Variants in ZSCAN5A observed in about 807,000 individuals in gnomAD.
ZSCAN5A encodes zinc finger and SCAN domain-containing protein 5A.
In ZSCAN5A, 12 loss-of-function variants were observed where a neutral mutation model predicts 23.7. The observed-to-expected ratio is 0.51, with a 90% CI of 0.32 to 0.82. ZSCAN5A has a LOEUF of 0.82. Ranked by LOEUF, ZSCAN5A falls within the 40% of genes least tolerant of loss-of-function variation. The pLI is 0.03. For synonymous variants in ZSCAN5A, 257 were observed against 239.9 expected (o/e 1.07, Z -0.66); for missense variants, 597 against 617.9 (o/e 0.97, Z 0.36).
intron 2 of ZSCAN5A, among the ~76,000 whole-genome samples, chr19:56,297,240 G>C (rs113977347): frequency 6.6e-6 from 1 of 152,070 alleles, no homozygotes; most frequent in African/African-American, 2.4e-5. Flanking sequence ...GGGACACAGG[G>C]AGACTAACTT....
At chr19:56,350,209 G>C (rs2041659017) in intron 2 of ZSCAN5A, among the ~76,000 whole-genome samples, 1 of 152,328 alleles carries the variant, frequency 6.6e-6, no homozygotes, top group East Asian at 1.9e-4. Flanking sequence ...TGGATAAGAA[G>C]CATGAAAGTT....
At chr19:56,248,903 G>A (rs1439456266) in intron 2 of ZSCAN5A, among the ~76,000 whole-genome samples, 1 of 152,106 alleles carries the variant, frequency 6.6e-6, no homozygotes, top group Non-Finnish European at 1.5e-5. Context: ...ACCACCCAGA[G>A]TCCATGGTGT....
At chr19:56,280,144 C>G (rs1185385966) in intron 2 of ZSCAN5A, among the ~76,000 whole-genome samples, 2 of 152,136 alleles carry the variant, frequency 1.3e-5, no homozygotes, top group Non-Finnish European at 2.9e-5. Context: ...TTTATATATT[C>G]AAAGTCCTCT....
intron 2 of ZSCAN5A, among the ~76,000 whole-genome samples, chr19:56,234,790 G>A (rs1055568674): frequency 6.6e-6 from 1 of 152,302 alleles, no homozygotes; most frequent in South Asian, 2.1e-4. Flanking sequence ...GCCCTTAAAA[G>A]GGACAGGAAT....
At chr19:56,237,248 C>T (rs932495354) in intron 2 of ZSCAN5A, among the ~76,000 whole-genome samples, 5 of 152,170 alleles carry the variant, frequency 3.3e-5, no homozygotes, top group Admixed American at 6.5e-5. Context: ...ACGCCTAGAA[C>T]GTGGACAACT....
At chr19:56,269,492 A>T (rs1421069121) in intron 2 of ZSCAN5A, among the ~76,000 whole-genome samples, 1 of 152,144 alleles carries the variant, frequency 6.6e-6, no homozygotes, top group African/African-American at 2.4e-5. Context: ...CAGATGTGAT[A>T]AAAATAAGAC....
In ZSCAN5A at chr19:56,330,980, G is replaced by T. The variant is rs114923430; in HGVS notation, c.-357-14712C>A. Among the ~76,000 whole-genome samples the T allele has an allele frequency of 9.6e-3, 1,464 of 152,212 alleles. 30 individuals are homozygous for T. Among genetic ancestry groups the T allele is most frequent in the African/African-American group, 0.034 (1,395 of 41,522 alleles). ...TTTAATTCTTCTTGAGTTAATTTTT[G>T]TATATGGTGAAATGTAGGGGTCCAG... On this transcript the variant is annotated intron_variant, in intron 2 of 6. Coordinates refer to the ZSCAN5A transcript ENST00000587340.
chr19:56,260,885 G>A (rs565936686), intron 2 of ZSCAN5A, among the ~76,000 whole-genome samples: 1 of 152,200 alleles, frequency 6.6e-6, no homozygotes, highest in Non-Finnish European at 1.5e-5. Flanking sequence ...ACAACCAACT[G>A]CAAGAAACTG....
intron 2 of ZSCAN5A, among the ~76,000 whole-genome samples, chr19:56,326,395 G>A (rs1412580564): frequency 1.3e-5 from 2 of 151,364 alleles, no homozygotes; most frequent in Admixed American, 6.6e-5. Flanking sequence ...GATTCTCTAT[G>A]TTCACCATGC....
intron 2 of ZSCAN5A, among the ~76,000 whole-genome samples, chr19:56,268,490 C>G (rs1431033973): frequency 2.6e-5 from 4 of 152,162 alleles, no homozygotes; most frequent in Non-Finnish European, 5.9e-5. Context: ...ACTTTTAATA[C>G]TTTTTAAATT....
chr19:56,292,324 T>C (rs762560963), intron 2 of ZSCAN5A, among the ~76,000 whole-genome samples: 6 of 152,314 alleles, frequency 3.9e-5, no homozygotes, highest in Non-Finnish European at 7.4e-5. Flanking sequence ...TGCTCTGTTG[T>C]CCAGGCTGGA....
In ZSCAN5A at chr19:56,301,795, G is replaced by C. The variant is rs563963828; in HGVS notation, c.-128+11488C>G. 28 of 606,436 alleles carry C rather than the reference G, an allele frequency of 4.6e-5. No homozygotes were observed. The East Asian group carries it at 9.2e-4, about 20-fold the overall frequency. 37.6% of individuals were successfully genotyped at this position (606,436 alleles called of 1,614,324 possible). Reference sequence around the variant, plus strand: ...CTGACTGTTTGTCTGGAGTATGGTGGTAACCAAGAAGGGGGAAGCTGGCAG... The same window carrying C: ...CTGACTGTTTGTCTGGAGTATGGTGCTAACCAAGAAGGGGGAAGCTGGCAG... On this transcript the variant is annotated intron_variant, in intron 2 of 5. Transcript: ENST00000683990.
chr19:56,233,980 G>C (rs2034676911), intron 2 of ZSCAN5A, among the ~76,000 whole-genome samples: 1 of 152,140 alleles, frequency 6.6e-6, no homozygotes, highest in African/African-American at 2.4e-5. Flanking sequence ...GAAGGCTGAG[G>C]CAGGAGGATT....
chr19:56,273,639 G>A (rs1306753891), intron 2 of ZSCAN5A, among the ~76,000 whole-genome samples: 1 of 152,138 alleles, frequency 6.6e-6, no homozygotes, highest in Non-Finnish European at 1.5e-5. Flanking sequence ...AGGTCCTGGG[G>A]CAGAAGGCAC....
At chr19:56,313,129 T>C (rs995959352) in intron 2 of ZSCAN5A, among the ~76,000 whole-genome samples, 154 bp downstream of exon 2, 2 of 152,230 alleles carry the variant, frequency 1.3e-5, no homozygotes, top group Non-Finnish European at 2.9e-5. Flanking sequence ...GGGCTGATCC[T>C]TTAAAATGTA....
chr19:56,321,217 G>C (rs1032327791), intron 2 of ZSCAN5A: 4 of 668,874 alleles, frequency 6.0e-6, no homozygotes, highest in Non-Finnish European at 8.5e-6. Context: ...TCTTCTGAAG[G>C]ACTTGGATGG....
In ZSCAN5A at chr19:56,235,065, G is replaced by A. The variant is rs967205131; in HGVS notation, c.-127-9892C>T. ...CCTCCACTCCAGCCTCTGATTGACCGTGGGCCAAGCCTCCACTCCAACCTC... is the reference window on the plus strand; with the variant it reads ...CCTCCACTCCAGCCTCTGATTGACCATGGGCCAAGCCTCCACTCCAACCTC... On this transcript the variant is annotated intron_variant, in intron 2 of 5. Coordinates refer to ENST00000683990, the MANE Select transcript of ZSCAN5A (RefSeq NM_001322064.3). Among the ~76,000 whole-genome samples, 9 of 134,378 alleles carry A rather than the reference G, an allele frequency of 6.7e-5. 1 individual carries two copies. The highest frequency in any genetic ancestry group is 4.6e-4 in the South Asian group (2 of 4,326). The allele number at this position is 134,378 out of a possible 152,430, so 88.2% of individuals were successfully genotyped here.
At chr19:56,337,784 T>C (rs2147444602) in intron 2 of ZSCAN5A, among the ~76,000 whole-genome samples, 1 of 152,368 alleles carries the variant, frequency 6.6e-6, no homozygotes, top group South Asian at 2.1e-4. Flanking sequence ...CAATGCCTCC[T>C]GGAAATTATT....
rs1600117262 is a variant in ZSCAN5A, at chr19:56,259,936, T to G, written c.-127-34763A>C. Among the ~76,000 whole-genome samples the G allele has an allele frequency of 2.6e-5, 4 of 152,208 alleles. No individual in the cohort carries two copies. In the South Asian group the frequency reaches 8.3e-4, roughly 32 times the overall value. On this transcript the variant is annotated intron_variant, in intron 2 of 5. Coordinates refer to ENST00000683990, the MANE Select transcript of ZSCAN5A (RefSeq NM_001322064.3). ...TGCAAATGAGCTGTGATCGTGCCCTTGCACGCCAGCCTGGGTGACAGAGCG... is the reference window on the plus strand; with the variant it reads ...TGCAAATGAGCTGTGATCGTGCCCTGGCACGCCAGCCTGGGTGACAGAGCG...
Sources: gnomAD v4.1 joint callset for allele counts (sites outside exome capture counted in the v4.1 genomes callset) on GRCh38, gnomAD v4.1.1 for gene constraint, MANE v1.5 for transcripts, NCBI Gene and HGNC (gene_info 2026-07-23, HGNC 2026-07-21) for gene names.